ADAM23: variants seen among roughly 807,000 people sequenced by gnomAD.
The protein encoded by ADAM23 is disintegrin and metalloproteinase domain-containing protein 23.
A neutral mutation model predicts 120.1 loss-of-function variants in ADAM23; 33 were observed. The observed-to-expected ratio is 0.27, with a 90% confidence interval of 0.21 to 0.37. ADAM23 has a LOEUF of 0.37. Among genes scored for constraint, ADAM23 ranks in the 10% least tolerant of loss-of-function variants. The pLI is 1.00. For missense variants in ADAM23, 862 were observed against 1,058.2 expected, an observed-to-expected ratio of 0.81 and a Z score of 2.57; for synonymous variants, 367 against 375.2, an observed-to-expected ratio of 0.98 and a Z score of 0.25.
rs141978401 is a variant in ADAM23 at position 206,481,238 on chromosome 2, C to T, written c.439C>T (p.His147Tyr). The T allele has an allele frequency of 1.2e-4, 200 of 1,609,604 alleles. No individual in the cohort carries two copies. In the African/African-American group the frequency reaches 2.2e-3, roughly 18 times the overall value. The change falls in exon 3 of 26, where the codon CAT becomes TAT. Residue 147 changes from histidine (H) to tyrosine (Y), a missense_variant. This residue lies in a region of ADAM23 where 225 missense variants were observed against 204.0 expected (regional missense o/e 1.10). Transcript: ENST00000264377. Reference sequence around the variant, plus strand: ...TGTCTTTTTGAATCCATAGGCTGTCCATCTGGCCCAGGCAAGCTTCCAGAT... The same window carrying T: ...TGTCTTTTTGAATCCATAGGCTGTCTATCTGGCCCAGGCAAGCTTCCAGAT... The part of the protein sequence containing the change: ...RHQQKHNKAV[H>Y]LAQASFQIEA...
intron 3 of ADAM23, among the ~76,000 whole-genome samples, chr2:206,486,648 C>T (rs898475493): frequency 1.3e-5 from 2 of 152,062 alleles, no homozygotes; most frequent in Admixed American, 6.6e-5. Flanking sequence ...AGCTTCTTAA[C>T]TTCTTCCTTT....
intron 10 of ADAM23, 93 bp from the exon 11 acceptor site, chr2:206,559,862 C>T (rs1335843573): frequency 4.5e-6 from 5 of 1,119,106 alleles, no homozygotes; most frequent in Non-Finnish European, 1.3e-6. Flanking sequence ...CTCTCACCTC[C>T]CCCTTCCTGT....
intron 25 of ADAM23, among the ~76,000 whole-genome samples, chr2:206,613,022 A>G (rs948482371): frequency 6.6e-6 from 1 of 152,094 alleles, no homozygotes; most frequent in Non-Finnish European, 1.5e-5. Context: ...ATATTGTCAC[A>G]TATTGTGTAA....
At chr2:206,603,993 C>T (rs1411098357) in intron 24 of ADAM23, among the ~76,000 whole-genome samples, 1 of 150,996 alleles carries the variant, frequency 6.6e-6, no homozygotes, top group Non-Finnish European at 1.5e-5. Flanking sequence ...TGACCAGGCA[C>T]GGTGGCCTCA....
chr2:206,560,966 G>A (rs1559264730), intron 11 of ADAM23, among the ~76,000 whole-genome samples, 162 bp from the exon 12 acceptor site: 1 of 152,066 alleles, frequency 6.6e-6, no homozygotes, highest in Non-Finnish European at 1.5e-5. Flanking sequence ...CAAATTTAAA[G>A]GTAATTATGT....
chr2:206,547,319 C>A, intron 6 of ADAM23, 110 bp from the exon 7 acceptor site: 2 of 784,186 alleles, frequency 2.6e-6, no homozygotes, highest in South Asian at 4.5e-5. Flanking sequence ...AAAAAACTGA[C>A]ATATAAATAT....
intron 3 of ADAM23, among the ~76,000 whole-genome samples, chr2:206,484,528 G>A (rs1695965485): frequency 6.6e-6 from 1 of 152,178 alleles, no homozygotes; most frequent in Admixed American, 6.5e-5. Flanking sequence ...AATCTCTGTG[G>A]TAGCACAGAA....
intron 6 of ADAM23, among the ~76,000 whole-genome samples, chr2:206,545,921 A>G (rs1265848278): frequency 6.6e-6 from 1 of 152,230 alleles, no homozygotes; most frequent in African/African-American, 2.4e-5. Context: ...TTTAAGCCTT[A>G]GAGTTTTTTA....
At chr2:206,512,913 T>C (rs545859511) in intron 3 of ADAM23, among the ~76,000 whole-genome samples, 1 of 152,288 alleles carries the variant, frequency 6.6e-6, no homozygotes, top group South Asian at 2.1e-4. Flanking sequence ...ATTTAAATTA[T>C]TATGATCTGT....
intron 21 of ADAM23, 149 bp from the exon 22 acceptor site, chr2:206,592,468 A>G (rs991775050): frequency 6.0e-6 from 6 of 992,910 alleles, no homozygotes; most frequent in South Asian, 1.9e-5. Flanking sequence ...GGAGGAGGTT[A>G]TCACCTACCA....
chr2:206,596,399 A>G (rs1237194620), intron 24 of ADAM23, among the ~76,000 whole-genome samples: 1 of 152,210 alleles, frequency 6.6e-6, no homozygotes, highest in Admixed American at 6.5e-5. Flanking sequence ...AAATATACAC[A>G]TTTTCTTTAA....
chr2:206,445,806 A>G (rs937710149), intron 2 of ADAM23, among the ~76,000 whole-genome samples: 3 of 152,198 alleles, frequency 2.0e-5, no homozygotes, highest in Admixed American at 6.5e-5. Context: ...AGTTAAGTGA[A>G]TGTGTTTATG....
chr2:206,491,433 A>G (rs1366178970), intron 3 of ADAM23, among the ~76,000 whole-genome samples: 1 of 152,194 alleles, frequency 6.6e-6, no homozygotes, highest in Non-Finnish European at 1.5e-5. Context: ...CTTACCTAGG[A>G]TATAAAAGAC....
At chr2:206,554,432 G>A (rs1271322065) in intron 9 of ADAM23, among the ~76,000 whole-genome samples, 1 of 152,136 alleles carries the variant, frequency 6.6e-6, no homozygotes, top group Non-Finnish European at 1.5e-5. Context: ...TGCATGAAAA[G>A]CAAATGTTTT....
At chr2:206,491,646 A>C (rs572981957) in intron 3 of ADAM23, among the ~76,000 whole-genome samples, 1 of 152,358 alleles carries the variant, frequency 6.6e-6, no homozygotes, top group South Asian at 2.1e-4. Flanking sequence ...ATTGAAAAGC[A>C]CAGAGAATTA....
intron 3 of ADAM23, among the ~76,000 whole-genome samples, chr2:206,518,666 A>C (rs568581851): frequency 6.6e-6 from 1 of 152,192 alleles, no homozygotes; most frequent in Non-Finnish European, 1.5e-5. Context: ...ATGAATTTCT[A>C]TGTAAAGGAA....
chr2:206,592,530 A>G, intron 21 of ADAM23, 87 bp from the exon 22 acceptor site: 1 of 1,473,434 alleles, frequency 6.8e-7, no homozygotes, highest in Non-Finnish European at 9.2e-7. Context: ...TATTTTAAAA[A>G]TTTGAATCAA....
intron 24 of ADAM23, chr2:206,609,650 C>A (rs1259400472): frequency 2.5e-6 from 1 of 398,740 alleles, no homozygotes; most frequent in Non-Finnish European, 4.4e-6. Context: ...GGCCTATTTG[C>A]TTCAAATTCT....
intron 2 of ADAM23, among the ~76,000 whole-genome samples, chr2:206,468,307 G>A (rs1695583071): frequency 6.6e-6 from 1 of 151,980 alleles, no homozygotes; most frequent in Non-Finnish European, 1.5e-5. Flanking sequence ...ATAAGTTCTA[G>A]TTTCAGTTCA....
Sources: gnomAD v4.1 joint callset for allele counts (sites outside exome capture counted in the v4.1 genomes callset) on GRCh38, gnomAD v4.1.1 for gene constraint, gnomAD v4.1.1 regional missense constraint, MANE v1.5 for transcripts, NCBI Gene and HGNC (gene_info 2026-07-23, HGNC 2026-07-21) for gene names.